PRDM1: variants seen among roughly 807,000 people sequenced by gnomAD.
PRDM1 encodes the protein PR domain zinc finger protein 1.
A neutral mutation model predicts 62.8 loss-of-function variants in PRDM1; 13 were observed. The observed-to-expected ratio is 0.21, with a 90% CI of 0.13 to 0.33. The LOEUF is 0.33. PRDM1 is among the 10% of genes least tolerant of loss of function. The pLI is 1.00. For synonymous variants in PRDM1, 396 were observed against 417.6 expected (o/e 0.95, Z 0.63); for missense variants, 895 against 1,058.8 (o/e 0.85, Z 2.15).
exon 1 of PRDM1, among the ~76,000 whole-genome samples, chr6:106,048,607 A>G (rs892075134): frequency 2.0e-5 from 3 of 152,154 alleles, no homozygotes; most frequent in Non-Finnish European, 2.9e-5. Context: ...TCCTTGAAAA[A>G]GACAGCTGAG....
At chr6:106,090,908 C>G (rs1582463044) in intron 2 of PRDM1, among the ~76,000 whole-genome samples, 1 of 144,618 alleles carries the variant, frequency 6.9e-6, no homozygotes, top group East Asian at 2.0e-4. Flanking sequence ...TAAAACAAAA[C>G]ATACAAATCA....
intron 1 of PRDM1, among the ~76,000 whole-genome samples, chr6:106,026,995 C>A (rs1481353994): frequency 6.6e-6 from 1 of 152,222 alleles, no homozygotes; most frequent in Non-Finnish European, 1.5e-5. Context: ...TTGCCTACCG[C>A]AACTTGCATC....
chr6:106,038,034 T>TTTTTTTTA (rs71006667), intron 1 of PRDM1, among the ~76,000 whole-genome samples: 1 of 133,330 alleles, frequency 7.5e-6, no homozygotes, highest in Non-Finnish European at 1.6e-5. Flanking sequence ...TTTTTTTTTT[T>TTTTTTTTA]GAGACAGAGT....
intron 1 of PRDM1, among the ~76,000 whole-genome samples, chr6:106,079,595 C>T (rs1238786778): frequency 6.6e-6 from 1 of 152,180 alleles, no homozygotes; most frequent in Non-Finnish European, 1.5e-5. Context: ...GCCAGGGGTT[C>T]AAGACCAGCG....
intron 1 of PRDM1, among the ~76,000 whole-genome samples, chr6:106,007,841 T>C (rs1025961150): frequency 3.9e-5 from 6 of 152,184 alleles, no homozygotes; most frequent in Admixed American, 6.5e-5. Flanking sequence ...AGCTCTTCCA[T>C]CTCCAGTCTT....
chr6:106,058,862 G>C (rs533842322), intron 1 of PRDM1, among the ~76,000 whole-genome samples: 34 of 152,272 alleles, frequency 2.2e-4, no homozygotes, highest in Admixed American at 2.2e-3. Flanking sequence ...GAGCCACTGC[G>C]CCTGGCCACC....
At chr6:106,022,177 T>C (rs1772704193) in intron 1 of PRDM1, among the ~76,000 whole-genome samples, 1 of 152,200 alleles carries the variant, frequency 6.6e-6, no homozygotes, top group Admixed American at 6.5e-5. Context: ...AAATGTGAGA[T>C]TCCATGCAAA....
intron 1 of PRDM1, chr6:106,087,587 A>C: frequency 4.3e-6 from 1 of 232,544 alleles, no homozygotes; most frequent in African/African-American, 2.2e-5. Flanking sequence ...AACCCTTTTC[A>C]GTCTTCCATG....
intron 1 of PRDM1, among the ~76,000 whole-genome samples, chr6:106,038,006 A>ATTTTTTTTTTTTTTTT (rs1772944473): frequency 3.6e-5 from 1 of 27,646 alleles, no homozygotes; most frequent in African/African-American, 1.4e-4. Context: ...ATGGTTTGCT[A>ATTTTTTTTTTTTTTTT]TTTTTGTCTT....
At chr6:106,051,418 C>T (rs557649505) in intron 1 of PRDM1, among the ~76,000 whole-genome samples, 2 of 152,320 alleles carry the variant, frequency 1.3e-5, no homozygotes, top group South Asian at 4.1e-4. Flanking sequence ...AGGGCTTTCA[C>T]TGTCTCTTCA....
chr6:106,065,370 A>G (rs186084151), intron 1 of PRDM1, among the ~76,000 whole-genome samples: 153 of 152,300 alleles, frequency 1.0e-3, no homozygotes, highest in African/African-American at 3.5e-3. Flanking sequence ...AAACCAATCC[A>G]TAAGAGCCAG....
At chr6:106,013,431 G>T (rs371729936) in intron 1 of PRDM1, among the ~76,000 whole-genome samples, 1 of 150,960 alleles carries the variant, frequency 6.6e-6, no homozygotes, top group East Asian at 2.0e-4. Context: ...GGGTTCAAGC[G>T]ATTCTCATGC....
At chr6:106,091,714 A>G (rs1210922882) in intron 2 of PRDM1, among the ~76,000 whole-genome samples, 1 of 152,198 alleles carries the variant, frequency 6.6e-6, no homozygotes, top group Non-Finnish European at 1.5e-5. Context: ...TGGGAGGTGG[A>G]GTGAGCCGAG....
Position 106,098,540 on chromosome 6 carries a change from C to T in PRDM1, c.412-760C>T, listed in dbSNP as rs1774175869. ...TGTGTGGTGTTTTAGCCAGCCTCCT[C>T]CCAGATAAGGGGTTCCCTTCCCTCC... On this transcript the variant is annotated intron_variant, in intron 3 of 6. Coordinates refer to ENST00000369096, the MANE Select transcript of PRDM1 (RefSeq NM_001198.4). 5 of 1,268,702 alleles carry T rather than the reference C, an allele frequency of 3.9e-6. No individual in the cohort carries two copies. In the Admixed American group the frequency reaches 1.0e-4, roughly 25 times the overall value. 78.6% of individuals were successfully genotyped at this position (1,268,702 alleles called of 1,614,324 possible).
At chr6:106,040,399 A>G (rs1772977016) in intron 1 of PRDM1, among the ~76,000 whole-genome samples, 1 of 152,128 alleles carries the variant, frequency 6.6e-6, no homozygotes, top group African/African-American at 2.4e-5. Context: ...CGAGCACACC[A>G]CCTCCGTCTA....
intron 1 of PRDM1, among the ~76,000 whole-genome samples, chr6:106,076,314 T>G (rs1022564444): frequency 6.6e-6 from 1 of 152,144 alleles, no homozygotes; most frequent in African/African-American, 2.4e-5. Flanking sequence ...ATGATTGAAG[T>G]CTTAGGTGGC....
At chr6:106,080,345 C>T (rs554483862) in intron 1 of PRDM1, among the ~76,000 whole-genome samples, 9 of 152,226 alleles carry the variant, frequency 5.9e-5, no homozygotes, top group Admixed American at 1.3e-4. Context: ...AGCTGTTAAC[C>T]GATTAGTGAA....
At chr6:106,072,520 TAG>T (rs781448381) in intron 1 of PRDM1, among the ~76,000 whole-genome samples, 2 of 152,312 alleles carry the variant, frequency 1.3e-5, no homozygotes, top group East Asian at 3.9e-4. Flanking sequence ...AGAATATATA[TAG>T]AGAGAACAAT....
chr6:106,026,259 A>G (rs1772765840), intron 1 of PRDM1, among the ~76,000 whole-genome samples: 1 of 152,174 alleles, frequency 6.6e-6, no homozygotes, highest in South Asian at 2.1e-4. Context: ...CAGGAGGATC[A>G]CCTGAGGTCG....
Sources: gnomAD v4.1 joint callset for allele counts (sites outside exome capture counted in the v4.1 genomes callset) on GRCh38, gnomAD v4.1.1 for gene constraint, MANE v1.5 for transcripts, NCBI Gene and HGNC (gene_info 2026-07-23, HGNC 2026-07-21) for gene names.